The following LRRC37A2 variants were observed in gnomAD, a reference collection of about 807,000 sequenced individuals.
The protein encoded by LRRC37A2 is leucine-rich repeat-containing protein 37A2.
LRRC37A2 carries 9 observed loss-of-function variants against 68.8 expected under a neutral mutation model. That is an observed-to-expected ratio of 0.13 (90% CI 0.08 to 0.23). The LOEUF (loss-of-function observed/expected upper bound fraction) is 0.23. Ranked by LOEUF, LRRC37A2 falls within the 10% of genes least tolerant of loss-of-function variation. The pLI, the probability that LRRC37A2 is intolerant of heterozygous loss-of-function variation, is 1.00. For synonymous variants in LRRC37A2, 63 were observed against 367.6 expected (o/e 0.17, Z 9.48); for missense variants, 168 against 950.4 (o/e 0.18, Z 10.82).
chr17:46,851,845 G>A, the LRRC37A2 span: 1 of 428,518 alleles, frequency 2.3e-6, no homozygotes, highest in Non-Finnish European at 3.8e-6. This position sits in a 1 kb window ranked among gnomAD's most constrained non-coding sequence, Gnocchi z 4.3. Context: ...ACCCTAGCCC[G>A]GCGCGACCCA....
the LRRC37A2 span, chr17:46,876,394 T>C: frequency 6.2e-7 from 1 of 1,613,912 alleles, no homozygotes; most frequent in Non-Finnish European, 8.5e-7. Context: ...AGGTGTCCAG[T>C]GCCACCAATG....
the LRRC37A2 span, among the ~76,000 whole-genome samples, chr17:46,786,068 C>CA: frequency 7.1e-6 from 1 of 140,938 alleles, no homozygotes; most frequent in African/African-American, 2.6e-5. Context: ...CCCACCCCCC[C>CA]ACCCCTTCAT....
At chr17:46,929,537 A>G in the LRRC37A2 span, 1 of 1,563,974 alleles carries the variant, frequency 6.4e-7, no homozygotes, top group Non-Finnish European at 8.8e-7. Flanking sequence ...CACGAGATCC[A>G]GTCTTGCATG....
At chr17:47,007,956 C>T in the LRRC37A2 span, 1 of 152,114 alleles carries the variant, frequency 6.6e-6, no homozygotes, top group Admixed American at 6.5e-5. Flanking sequence ...ATGTCTAGCC[C>T]TCAGACAAAC....
the LRRC37A2 span, among the ~76,000 whole-genome samples, chr17:46,801,508 A>T: frequency 8.2e-6 from 1 of 122,340 alleles, no homozygotes; most frequent in African/African-American, 3.1e-5. Flanking sequence ...TAATCCCAGC[A>T]ACTTGGGAGG....
At chr17:46,528,684 C>T in intron 6 of LRRC37A2, 2 of 600,128 alleles carry the variant, frequency 3.3e-6, no homozygotes, top group Non-Finnish European at 5.8e-6. Flanking sequence ...CACACCACTG[C>T]ACTGCACTCC....
At chr17:47,015,876 G>C in the LRRC37A2 span, among the ~76,000 whole-genome samples, 2 of 152,012 alleles carry the variant, frequency 1.3e-5, no homozygotes, top group Admixed American at 1.3e-4. Context: ...ACTCATTTCA[G>C]AAATCTGATT....
chr17:46,855,390 T>C, the LRRC37A2 span, among the ~76,000 whole-genome samples: 1 of 152,200 alleles, frequency 6.6e-6, no homozygotes. Context: ...AACAGCATGA[T>C]GGCAGTGGGA....
the LRRC37A2 span, chr17:46,876,143 C>T: frequency 1.7e-6 from 2 of 1,155,832 alleles, no homozygotes; most frequent in South Asian, 3.2e-5. Context: ...GGTCTCTTTC[C>T]CATTCTCCTG....
chr17:46,807,272 C>T, the LRRC37A2 span, among the ~76,000 whole-genome samples: 3 of 152,336 alleles, frequency 2.0e-5, no homozygotes, highest in East Asian at 5.8e-4. Flanking sequence ...CACTTGATGT[C>T]AGGAGTTTGA....
At chr17:46,773,519 A>C in the LRRC37A2 span, 6 of 855,602 alleles carry the variant, frequency 7.0e-6, no homozygotes, top group East Asian at 2.8e-5. Flanking sequence ...GCGCCTGGGA[A>C]GGTGTGGCAG....
the LRRC37A2 span, among the ~76,000 whole-genome samples, chr17:46,984,498 C>T: frequency 6.6e-6 from 1 of 152,192 alleles, no homozygotes; most frequent in African/African-American, 2.4e-5. Flanking sequence ...TTTTACCCTC[C>T]ACCTCAGGGA....
At chr17:46,900,188 T>TACATATATATATATAC in the LRRC37A2 span, among the ~76,000 whole-genome samples, 1 of 115,558 alleles carries the variant, frequency 8.7e-6, no homozygotes, top group African/African-American at 4.5e-5. Context: ...TATATATATA[T>TACATATATATATATAC]ATATATATAT....
chr17:46,979,498 G>C, the LRRC37A2 span, among the ~76,000 whole-genome samples: 1 of 152,094 alleles, frequency 6.6e-6, no homozygotes, highest in Non-Finnish European at 1.5e-5. Context: ...CCTCTCCAAG[G>C]TGCCCATTCC....
the LRRC37A2 span, among the ~76,000 whole-genome samples, chr17:46,985,614 CA>C: frequency 6.6e-6 from 1 of 151,792 alleles, no homozygotes; most frequent in African/African-American, 2.4e-5. Flanking sequence ...AAGTTCTACA[CA>C]GTGGAGAATG....
At chr17:46,750,053 C>T in the LRRC37A2 span, 1 of 882,788 alleles carries the variant, frequency 1.1e-6, no homozygotes, top group Non-Finnish European at 1.6e-6. Flanking sequence ...TATACCTTAT[C>T]CAAAATGCCT....
At chr17:46,735,939 C>A in the LRRC37A2 span, among the ~76,000 whole-genome samples, 2 of 152,006 alleles carry the variant, frequency 1.3e-5, no homozygotes, top group African/African-American at 4.8e-5. Context: ...GAGTGAGACT[C>A]TGTCTCAAAA....
the LRRC37A2 span, among the ~76,000 whole-genome samples, chr17:46,745,966 C>T: frequency 4.6e-5 from 7 of 152,264 alleles, no homozygotes; most frequent in Admixed American, 4.6e-4. Flanking sequence ...CTTCATCTTC[C>T]TAATCAACCT....
At chr17:46,716,500 G>T in the LRRC37A2 span, among the ~76,000 whole-genome samples, 1 of 151,962 alleles carries the variant, frequency 6.6e-6, no homozygotes, top group Non-Finnish European at 1.5e-5. Context: ...CTCATGATCC[G>T]CACGCCTCAG....
Sources: allele counts gnomAD v4.1 joint callset (sites outside exome capture counted in the v4.1 genomes callset), GRCh38; gene constraint gnomAD v4.1.1; non-coding constraint Gnocchi (gnomAD v3.1); transcripts MANE v1.5; gene names NCBI Gene and HGNC (gene_info 2026-07-23, HGNC 2026-07-21).